PPP2R5C: variants seen among roughly 807,000 people sequenced by gnomAD.
PPP2R5C encodes the protein serine/threonine-protein phosphatase 2A 56 kDa regulatory subunit gamma isoform.
PPP2R5C carries 7 observed loss-of-function variants against 68.9 expected under a neutral mutation model. The observed-to-expected ratio is 0.10, with a 90% CI of 0.06 to 0.19. The LOEUF (loss-of-function observed/expected upper bound fraction) is 0.19, where lower values mean the gene tolerates loss of function less well. PPP2R5C is among the 10% of genes least tolerant of loss of function. The pLI is 1.00. For synonymous variants in PPP2R5C, 210 were observed against 222.2 expected (o/e 0.95, Z 0.49); for missense variants, 348 against 641.3 (o/e 0.54, Z 4.94).
intron 1 of PPP2R5C, among the ~76,000 whole-genome samples, chr14:101,837,436 C>T (rs2041183491): frequency 6.6e-6 from 1 of 152,174 alleles, no homozygotes; most frequent in Non-Finnish European, 1.5e-5. Flanking sequence ...CGTGAGCCAC[C>T]GTGCCCGACC....
chr14:101,846,319 A>G (rs1249770050), intron 1 of PPP2R5C, among the ~76,000 whole-genome samples: 1 of 152,262 alleles, frequency 6.6e-6, no homozygotes, highest in Non-Finnish European at 1.5e-5. Flanking sequence ...GGCACTGTTC[A>G]TTGTAGTCCA....
chr14:101,870,066 T>C (rs1261439410), intron 2 of PPP2R5C, among the ~76,000 whole-genome samples: 3 of 125,608 alleles, frequency 2.4e-5, no homozygotes, highest in Non-Finnish European at 4.9e-5. Context: ...TTTTTTTTTT[T>C]GAGTTTTGAG....
At chr14:101,922,116 G>C in intron 13 of PPP2R5C, 1 of 985,434 alleles carries the variant, frequency 1.0e-6, no homozygotes, top group Non-Finnish European at 1.2e-6. Context: ...AAGAATTGAC[G>C]AGTTAACGTG....
intron 3 of PPP2R5C, among the ~76,000 whole-genome samples, chr14:101,802,951 TAAAAAAAAAAA>T (rs571594853): frequency 2.7e-4 from 27 of 99,932 alleles, no homozygotes; most frequent in Admixed American, 2.2e-4. Flanking sequence ...GGCTACTATT[TAAAAAAAAAAA>T]AAAAAAAAAA....
intron 13 of PPP2R5C, chr14:101,921,450 A>C (rs2047000155): frequency 6.6e-6 from 1 of 152,062 alleles, no homozygotes; most frequent in Non-Finnish European, 1.5e-5. Flanking sequence ...AGAAGGTACC[A>C]ATTCAAGTCT....
At chr14:101,817,202 C>T (rs1026874669) in intron 1 of PPP2R5C, among the ~76,000 whole-genome samples, 13 of 151,930 alleles carry the variant, frequency 8.6e-5, no homozygotes, top group Admixed American at 5.9e-4. Context: ...GTGTTCCACC[C>T]GCCTCGGCCT....
intron 1 of PPP2R5C, among the ~76,000 whole-genome samples, chr14:101,813,183 T>C (rs1249495943): frequency 2.0e-5 from 3 of 152,230 alleles, no homozygotes; most frequent in Non-Finnish European, 2.9e-5. Flanking sequence ...AATTTTTAAC[T>C]GTAGTTATTG....
chr14:101,785,808 G>A (rs916631886), intron 2 of PPP2R5C, among the ~76,000 whole-genome samples: 4 of 152,230 alleles, frequency 2.6e-5, no homozygotes, highest in Non-Finnish European at 5.9e-5. Flanking sequence ...GAAGATACGA[G>A]AAATTAGGCA....
In PPP2R5C at chr14:101,903,016, T is replaced by A. The variant is rs1010183565; in HGVS notation, c.1023+1127T>A. On this transcript the variant is annotated intron_variant, in intron 9 of 13. Transcript: ENST00000334743. Reference sequence around the variant, plus strand: ...TAAGAAAGGAAAATTATGTTTTGGGTTTTTTTTTTTTTTTTTTCATCAATC... The same window carrying A: ...TAAGAAAGGAAAATTATGTTTTGGGATTTTTTTTTTTTTTTTTCATCAATC... Among the ~76,000 whole-genome samples, 8 of 69,262 alleles carry A rather than the reference T, an allele frequency of 1.2e-4. No individual in the cohort carries two copies. In the African/African-American group the frequency reaches 1.4e-3, roughly 12 times the overall value. The allele number at this position is 69,262 out of a possible 152,430, so 45.4% of individuals were successfully genotyped here.
At chr14:101,896,168 T>C (rs2045311948) in intron 8 of PPP2R5C, among the ~76,000 whole-genome samples, 1 of 151,944 alleles carries the variant, frequency 6.6e-6, no homozygotes, top group South Asian at 2.1e-4. Context: ...TACAGGTGCC[T>C]GCCACCATGC....
intron 1 of PPP2R5C, among the ~76,000 whole-genome samples, chr14:101,845,873 A>T (rs1012005436): frequency 6.6e-6 from 1 of 152,242 alleles, no homozygotes; most frequent in Non-Finnish European, 1.5e-5. Flanking sequence ...ACTGTGAGCC[A>T]TGGGTTGTCT....
chr14:101,823,646 G>A (rs1451190654), intron 1 of PPP2R5C: 5 of 551,992 alleles, frequency 9.1e-6, no homozygotes, highest in East Asian at 1.2e-4. Flanking sequence ...TGACAGCGGT[G>A]GAAACTGAAG....
At chr14:101,808,358 G>T (rs1192757650), upstream of PPP2R5C, among the ~76,000 whole-genome samples, 1 of 152,144 alleles carries the variant, frequency 6.6e-6, no homozygotes, top group Non-Finnish European at 1.5e-5. Context: ...CTCAGGTGGT[G>T]CGTGCCCACT....
At chr14:101,763,026 A>T in intron 2 of PPP2R5C, 56 bp downstream of exon 2, 1 of 1,409,204 alleles carries the variant, frequency 7.1e-7, no homozygotes, top group Non-Finnish European at 9.8e-7. Context: ...AACTTCAGGT[A>T]GAAAAACCGA....
chr14:101,842,808 AT>A (rs571898556), intron 1 of PPP2R5C, among the ~76,000 whole-genome samples: 6 of 104,858 alleles, frequency 5.7e-5, no homozygotes, highest in African/African-American at 1.4e-4. Flanking sequence ...TTTCGCATGT[AT>A]TTTTTTTATC....
chr14:101,925,364 A>G, exon 14 of PPP2R5C: 1 of 1,513,414 alleles, frequency 6.6e-7, no homozygotes, highest in African/African-American at 1.4e-5. Context: ...AATCAGTTAC[A>G]CTCAAAGCTT....
intron 1 of PPP2R5C, among the ~76,000 whole-genome samples, chr14:101,813,267 T>C (rs1428092687): frequency 6.6e-6 from 1 of 152,240 alleles, no homozygotes; most frequent in Non-Finnish European, 1.5e-5. Flanking sequence ...ATTGTTCGAC[T>C]TTTTTGGAAA....
chr14:101,889,371 C>T (rs951090153), intron 5 of PPP2R5C, among the ~76,000 whole-genome samples: 5 of 152,202 alleles, frequency 3.3e-5, no homozygotes, highest in African/African-American at 1.2e-4. Flanking sequence ...TTCTTTGTTT[C>T]TGTAGGAGCC....
chr14:101,853,043 A>G (rs1402901360), intron 1 of PPP2R5C, among the ~76,000 whole-genome samples: 2 of 152,222 alleles, frequency 1.3e-5, no homozygotes, highest in African/African-American at 4.8e-5. Flanking sequence ...GGTATGAAGC[A>G]TATTCTTCCA....
Sources: allele counts gnomAD v4.1 joint callset (sites outside exome capture counted in the v4.1 genomes callset), GRCh38; gene constraint gnomAD v4.1.1; transcripts MANE v1.5; gene names NCBI Gene and HGNC (gene_info 2026-07-23, HGNC 2026-07-21).